The following MICU1 variants were observed in gnomAD, a reference collection of about 807,000 sequenced individuals.
MICU1 encodes mitochondrial calcium uptake 1, also known as calcium uptake protein 1, mitochondrial.
A neutral mutation model predicts 56.8 loss-of-function variants in MICU1; 45 were observed. That is an observed-to-expected ratio of 0.79 (90% CI 0.62 to 1.02). MICU1 has a LOEUF of 1.02. Ranked by LOEUF, MICU1 falls within the 50% of genes least tolerant of loss-of-function variation. MICU1 has a pLI of 0.00. For missense variants in MICU1, 504 were observed against 587.1 expected (o/e 0.86, Z 1.46); for synonymous variants, 186 against 195.1 (o/e 0.95, Z 0.39).
intron 9 of MICU1, 105 bp downstream of exon 9, chr10:72,423,129 T>A: frequency 7.0e-7 from 1 of 1,434,576 alleles, no homozygotes; most frequent in Non-Finnish European, 9.4e-7. Flanking sequence ...TTAGGTGTAA[T>A]CATTGGTTCA....
intron 6 of MICU1, among the ~76,000 whole-genome samples, chr10:72,480,329 A>G (rs973307225): frequency 2.0e-5 from 3 of 152,244 alleles, no homozygotes; most frequent in Non-Finnish European, 4.4e-5. Context: ...TTTGAGAAAT[A>G]AAATGATTTC....
At chr10:72,500,715 T>C (rs1342713872) in intron 6 of MICU1, among the ~76,000 whole-genome samples, 4 of 152,166 alleles carry the variant, frequency 2.6e-5, no homozygotes, top group Non-Finnish European at 4.4e-5. Context: ...TGAACATATA[T>C]GAAGACAAAG....
intron 4 of MICU1, among the ~76,000 whole-genome samples, chr10:72,548,496 AAAGTATTT>A (rs1207451612): frequency 3.9e-5 from 6 of 152,224 alleles, no homozygotes; most frequent in African/African-American, 1.4e-4. Context: ...GACACATGCA[AAAGTATTT>A]ACAGGTTGCA....
intron 1 of MICU1, among the ~76,000 whole-genome samples, chr10:72,605,098 G>A (rs558863495): frequency 4.6e-5 from 7 of 152,138 alleles, no homozygotes; most frequent in Non-Finnish European, 1.0e-4. Flanking sequence ...CAAAGACCCC[G>A]CTAATAAAAC....
chr10:72,442,713 A>C (rs1334652045), intron 8 of MICU1, among the ~76,000 whole-genome samples: 1 of 152,180 alleles, frequency 6.6e-6, no homozygotes, highest in Admixed American at 6.6e-5. Context: ...GTGCTATTAC[A>C]GTAGGTAAGG....
intron 1 of MICU1, among the ~76,000 whole-genome samples, chr10:72,625,398 A>C (rs1842202933): frequency 6.6e-6 from 1 of 152,180 alleles, no homozygotes; most frequent in Non-Finnish European, 1.5e-5. Context: ...ACATAGAGTC[A>C]ATAACATCTA....
intron 5 of MICU1, among the ~76,000 whole-genome samples, chr10:72,528,152 A>C (rs1399015127): frequency 6.6e-6 from 1 of 152,226 alleles, no homozygotes; most frequent in Non-Finnish European, 1.5e-5. Context: ...AACCAAAAAA[A>C]TAAACCACTG....
At chr10:72,482,616 C>A (rs1866337181) in intron 6 of MICU1, among the ~76,000 whole-genome samples, 1 of 151,954 alleles carries the variant, frequency 6.6e-6, no homozygotes, top group African/African-American at 2.4e-5. Flanking sequence ...CAGTCCAAAT[C>A]TACCCTGTGT....
chr10:72,377,088 A>C (rs1231586559), intron 10 of MICU1, among the ~76,000 whole-genome samples: 3 of 150,634 alleles, frequency 2.0e-5, no homozygotes, highest in African/African-American at 4.9e-5. Flanking sequence ...TGGTATATGC[A>C]CTGGCCCTTG....
At chr10:72,407,903 A>G in intron 10 of MICU1, 26 bp downstream of exon 10, 1 of 1,557,688 alleles carries the variant, frequency 6.4e-7, no homozygotes, top group Non-Finnish European at 8.8e-7. Flanking sequence ...CATACCTTCA[A>G]AAAAACACTT....
At chr10:72,474,527 CTTAAACAA>C (rs1448687392) in intron 8 of MICU1, among the ~76,000 whole-genome samples, 2 of 152,142 alleles carry the variant, frequency 1.3e-5, no homozygotes, top group African/African-American at 4.8e-5. Context: ...GCAACATTGC[CTTAAACAA>C]TTAAAGAGAC....
intron 8 of MICU1, among the ~76,000 whole-genome samples, chr10:72,467,345 G>A (rs552315005): frequency 2.0e-5 from 3 of 152,102 alleles, no homozygotes; most frequent in East Asian, 1.9e-4. Context: ...CACCACACCC[G>A]GCTGATTTCT....
At chr10:72,519,943 T>A (rs1376309217) in intron 5 of MICU1, among the ~76,000 whole-genome samples, 3 of 152,194 alleles carry the variant, frequency 2.0e-5, no homozygotes, top group Non-Finnish European at 2.9e-5. Context: ...AACACAGCTT[T>A]ACTATTTAAA....
At chr10:72,598,744 CAA>C (rs898157563) in intron 1 of MICU1, among the ~76,000 whole-genome samples, 1 of 151,866 alleles carries the variant, frequency 6.6e-6, no homozygotes, top group East Asian at 1.9e-4. Flanking sequence ...AGAATAACCC[CAA>C]AAAATGAAAT....
intron 5 of MICU1, among the ~76,000 whole-genome samples, chr10:72,526,083 T>G (rs577732941): frequency 6.6e-6 from 1 of 152,324 alleles, no homozygotes; most frequent in African/African-American, 2.4e-5. Flanking sequence ...GCCAGATTTT[T>G]TTTTTTAGGG....
At chr10:72,551,413 T>G in intron 3 of MICU1, 72 bp from the exon 4 acceptor site, 2 of 1,004,774 alleles carry the variant, frequency 2.0e-6, no homozygotes, top group Non-Finnish European at 2.7e-6. Context: ...TTATCATCAC[T>G]GCTCATCAAT....
intron 5 of MICU1, among the ~76,000 whole-genome samples, chr10:72,525,632 G>A (rs1317642711): frequency 6.6e-6 from 1 of 152,200 alleles, no homozygotes; most frequent in Non-Finnish European, 1.5e-5. Context: ...CAATTACGCA[G>A]AGGGTATACT....
chr10:72,604,516 G>A (rs962747121), intron 1 of MICU1, among the ~76,000 whole-genome samples: 4 of 151,144 alleles, frequency 2.6e-5, no homozygotes, highest in Non-Finnish European at 5.9e-5. Context: ...CAGGCAATCC[G>A]CCCACCTTGG....
chr10:72,616,686 G>A (rs1157287429), intron 1 of MICU1, among the ~76,000 whole-genome samples: 2 of 150,624 alleles, frequency 1.3e-5, no homozygotes, highest in Non-Finnish European at 2.9e-5. Flanking sequence ...TCCTAATTCG[G>A]CAAGTATTGT....
Sources: gnomAD v4.1 joint callset for allele counts (sites outside exome capture counted in the v4.1 genomes callset) on GRCh38, gnomAD v4.1.1 for gene constraint, MANE v1.5 for transcripts, NCBI Gene and HGNC (gene_info 2026-07-23, HGNC 2026-07-21) for gene names.